The following C5orf46 variants were observed in gnomAD, a reference collection of about 807,000 sequenced individuals.
C5orf46 encodes chromosome 5 open reading frame 46, also known as uncharacterized protein C5orf46.
C5orf46 carries 9 observed loss-of-function variants against 8.9 expected under a neutral mutation model. The ratio of observed to expected loss-of-function variants is 1.01; its 90% confidence interval spans 0.61 to 1.76. The LOEUF (loss-of-function observed/expected upper bound fraction) is 1.76. Ranked by LOEUF, C5orf46 falls within the 40% of genes most tolerant of loss-of-function variation. The pLI, the probability that C5orf46 is intolerant of heterozygous loss-of-function variation, is 0.00. For missense variants in C5orf46, 98 were observed against 107.8 expected, an observed-to-expected ratio of 0.91 and a Z score of 0.40; for synonymous variants, 47 against 41.4, an observed-to-expected ratio of 1.14 and a Z score of -0.52.
intron 3 of C5orf46, among the ~76,000 whole-genome samples, chr5:147,894,655 T>A (rs1335552823): frequency 6.6e-6 from 1 of 152,040 alleles, no homozygotes; most frequent in Non-Finnish European, 1.5e-5. Flanking sequence ...ATGTGATTGC[T>A]GAGTCCATAA....
At chr5:147,901,466 G>A (rs17703848) in intron 2 of C5orf46, 163 bp downstream of exon 2, 48,583 of 593,140 alleles carry the variant, frequency 0.082, 2,273 homozygotes, top group Middle Eastern at 0.15. Flanking sequence ...AGTTGATTCA[G>A]ATGCAAAATA....
chr5:147,894,764 A>C lies in C5orf46; in HGVS notation c.*10-1825T>G, dbSNP rs991231002. Among the ~76,000 whole-genome samples the C allele has an allele frequency of 7.9e-5, 12 of 151,912 alleles. 1 individual carries two copies. The highest frequency in any genetic ancestry group is 5.9e-4 in the Admixed American group (9 of 15,252). On this transcript the variant is annotated intron_variant, in intron 3 of 3. Transcript: ENST00000318315. ...GCATTAAAGAAATGTGTAAAAAAAA[A>C]AAAAAGGGAGGGATCGGCCGGGAAT...
At chr5:147,906,386 C>T (rs1379876461) in intron 1 of C5orf46, 46 bp downstream of exon 1, 1 of 1,346,672 alleles carries the variant, frequency 7.4e-7, no homozygotes. Flanking sequence ...TCTCTAGTCA[C>T]TGCTAACTAC....
At chr5:147,894,361 A>G (rs1432971) in intron 3 of C5orf46, among the ~76,000 whole-genome samples, 26,612 of 152,126 alleles carry the variant, frequency 0.17, 6,011 homozygotes, top group African/African-American at 0.53. Flanking sequence ...AAAATATTAA[A>G]GCCAGTAAAA....
chr5:147,895,644 C>G (rs1186901178), intron 3 of C5orf46, among the ~76,000 whole-genome samples: 2 of 152,142 alleles, frequency 1.3e-5, no homozygotes, highest in African/African-American at 4.8e-5. Flanking sequence ...GTAGGATGTA[C>G]TCCAAGGATT....
chr5:147,896,831 GA>G (rs971960939), intron 3 of C5orf46, among the ~76,000 whole-genome samples, 152 bp downstream of exon 3: 53 of 152,050 alleles, frequency 3.5e-4, no homozygotes, highest in African/African-American at 1.3e-3. Context: ...ACTTGTACAT[GA>G]AAAAAATATA....
At chr5:147,897,078 G>T in intron 2 of C5orf46, 37 bp from the exon 3 acceptor site, 1 of 1,016,802 alleles carries the variant, frequency 9.8e-7, no homozygotes, top group Non-Finnish European at 1.5e-6. Context: ...TTACAATTGA[G>T]ACTGAACAGG....
At chr5:147,901,901 A>C (rs1757677910) in intron 1 of C5orf46, 128 bp from the exon 2 acceptor site, 1 of 930,130 alleles carries the variant, frequency 1.1e-6, no homozygotes, top group African/African-American at 1.7e-5. Context: ...GGTTATATTC[A>C]TCGAACATTT....
chr5:147,893,757 G>A (rs888258517), intron 3 of C5orf46, among the ~76,000 whole-genome samples: 8 of 152,096 alleles, frequency 5.3e-5, no homozygotes, highest in African/African-American at 1.9e-4. Context: ...GGTCAGGCTG[G>A]TTTCCACCTC....
chr5:147,890,937 T>C (rs1183764340), downstream of C5orf46, among the ~76,000 whole-genome samples: 2 of 152,188 alleles, frequency 1.3e-5, no homozygotes, highest in African/African-American at 4.8e-5. Flanking sequence ...TTAAATAGAA[T>C]TACTCTATCT....
chr5:147,891,168 TCA>T (rs2127123866), downstream of C5orf46, among the ~76,000 whole-genome samples: 1 of 152,296 alleles, frequency 6.6e-6, no homozygotes, highest in South Asian at 2.1e-4. Context: ...CTCCTGAGCC[TCA>T]GTTTCTTCAC....
chr5:147,894,791 G>A (rs568183236), intron 3 of C5orf46, among the ~76,000 whole-genome samples: 1 of 152,038 alleles, frequency 6.6e-6, no homozygotes, highest in East Asian at 1.9e-4. Flanking sequence ...GCCGGGAATG[G>A]TGGCTCACAC....
intron 1 of C5orf46, among the ~76,000 whole-genome samples, chr5:147,906,129 AATT>A (rs1389093434): frequency 4.6e-5 from 7 of 152,224 alleles, no homozygotes; most frequent in African/African-American, 1.7e-4. Context: ...TATTAGGAAT[AATT>A]ATCAAAAAAT....
downstream of C5orf46, among the ~76,000 whole-genome samples, chr5:147,890,672 C>T (rs912667821): frequency 4.6e-5 from 7 of 151,852 alleles, no homozygotes; most frequent in Non-Finnish European, 8.8e-5. Flanking sequence ...GTGGCCACCT[C>T]GCGAAAGAGT....
At chr5:147,903,957 A>T (rs1301591495) in intron 1 of C5orf46, among the ~76,000 whole-genome samples, 1 of 152,074 alleles carries the variant, frequency 6.6e-6, no homozygotes, top group East Asian at 1.9e-4. Flanking sequence ...CATATTGCCC[A>T]GGCTGGTCTC....
At chr5:147,899,393 G>C (rs1757633407) in intron 2 of C5orf46, among the ~76,000 whole-genome samples, 2 of 152,148 alleles carry the variant, frequency 1.3e-5, no homozygotes, top group Admixed American at 1.3e-4. Flanking sequence ...GGAGTTATGG[G>C]TATGTTTTAG....
chr5:147,886,624 C>T lies in C5orf46; in HGVS notation n.205-5530G>A, dbSNP rs1757424726. 3 of 151,080 alleles carry T rather than the reference C, an allele frequency of 2.0e-5. No homozygotes were observed. In the South Asian group the frequency reaches 6.2e-4, roughly 31 times the overall value. 9.4% of individuals were successfully genotyped at this position (151,080 alleles called of 1,614,324 possible). A position where few individuals can be genotyped will look rare whatever the true frequency, so the allele number is the denominator to read the frequency against. ...ACTGTTCACATTGATGTGCTTTTTT[C>T]AAGACATTTTCTAAATATTTACAAA... is the stretch of plus-strand genomic sequence containing the variant. On this transcript the variant is annotated intron_variant and non_coding_transcript_variant, in intron 2 of 2. Coordinates refer to the C5orf46 transcript ENST00000510432.
chr5:147,905,184 T>C (rs6580506), intron 1 of C5orf46, among the ~76,000 whole-genome samples: 38,303 of 152,058 alleles, frequency 0.25, 8,657 homozygotes, highest in African/African-American at 0.61. Context: ...CAGTAACTAC[T>C]TTGTTGAGTT....
chr5:147,897,166 G>A (rs187888523), intron 2 of C5orf46, 125 bp from the exon 3 acceptor site: 8 of 441,324 alleles, frequency 1.8e-5, no homozygotes, highest in Non-Finnish European at 3.3e-5. Context: ...ATGTCAGAAA[G>A]AAATAAGACC....
Sources: allele counts gnomAD v4.1 joint callset (sites outside exome capture counted in the v4.1 genomes callset), GRCh38; gene constraint gnomAD v4.1.1; transcripts MANE v1.5; gene names NCBI Gene and HGNC (gene_info 2026-07-23, HGNC 2026-07-21).